Variants in LY75 observed in about 807,000 individuals in gnomAD.
LY75 encodes lymphocyte antigen 75.
A neutral mutation model predicts 231.7 loss-of-function variants in LY75; 185 were observed. The observed-to-expected ratio is 0.80, with a 90% confidence interval of 0.71 to 0.90. LY75 has a LOEUF of 0.90. LY75 is among the 40% of genes least tolerant of loss of function. LY75 has a pLI of 0.00. For synonymous variants in LY75, 668 were observed against 689.0 expected, an observed-to-expected ratio of 0.97 and a Z score of 0.48; for missense variants, 1,947 against 2,050.2, an observed-to-expected ratio of 0.95 and a Z score of 0.97.
chr2:159,883,110 C>T (rs1685483825), intron 6 of LY75, among the ~76,000 whole-genome samples: 1 of 125,830 alleles, frequency 7.9e-6, no homozygotes, highest in East Asian at 2.3e-4. Flanking sequence ...AACACAGCAT[C>T]TCTGGGGACT....
chr2:159,900,064 G>T (rs965566570), intron 1 of LY75, among the ~76,000 whole-genome samples: 1 of 152,158 alleles, frequency 6.6e-6, no homozygotes, highest in Non-Finnish European at 1.5e-5. Context: ...TGAGCCACCA[G>T]ATACAAGATC....
At chr2:159,815,251 T>A (rs1683088701) in intron 31 of LY75, among the ~76,000 whole-genome samples, 154 bp downstream of exon 31, 1 of 152,192 alleles carries the variant, frequency 6.6e-6, no homozygotes, top group African/African-American at 2.4e-5. Context: ...TCCGCACGCC[T>A]CGGCCTCCCA....
At chr2:159,850,791 T>TATATATATATATATATATAAATAA (rs1341394980) in intron 21 of LY75, among the ~76,000 whole-genome samples, 22 of 94,500 alleles carry the variant, frequency 2.3e-4, no homozygotes, top group African/African-American at 7.2e-4. Flanking sequence ...TATATATATA[T>TATATATATATATATATATAAATAA]ATATATATTA....
intron 16 of LY75, among the ~76,000 whole-genome samples, chr2:159,856,659 T>C (rs1684556830): frequency 6.6e-6 from 1 of 152,204 alleles, no homozygotes; most frequent in African/African-American, 2.4e-5. Context: ...TGGGACAGGC[T>C]GAGAACAGGA....
intron 14 of LY75, 135 bp downstream of exon 14, chr2:159,864,704 A>G (rs989281366): frequency 9.5e-6 from 8 of 843,868 alleles, no homozygotes; most frequent in East Asian, 3.2e-5. Flanking sequence ...CTTTTTGCTC[A>G]AGATTTCTTT....
chr2:159,853,624 AC>A lies in LY75; in HGVS notation c.2663+5del, dbSNP rs759493442. ...TTACAAAGGTAGAATCAATGATGTC[AC>A]CTACTATGTAAAATGATCATCTATT... On this transcript the variant is annotated splice_donor_5th_base_variant and intron_variant, in intron 19 of 34. Coordinates refer to ENST00000263636, the MANE Select transcript of LY75 (RefSeq NM_002349.4). The A allele has an allele frequency of 6.2e-7, 1 of 1,613,386 alleles. No individual in the cohort carries two copies. Among genetic ancestry groups the A allele is most frequent in the African/African-American group, 1.3e-5 (1 of 75,028 alleles).
intron 3 of LY75, among the ~76,000 whole-genome samples, chr2:159,892,565 A>G (rs1055042819): frequency 1.3e-5 from 2 of 152,164 alleles, no homozygotes; most frequent in African/African-American, 4.8e-5. Context: ...CCTGTTAAGT[A>G]TTAACTATTA....
chr2:159,820,058 T>G (rs999399728), intron 28 of LY75, 138 bp from the exon 29 acceptor site: 1 of 707,256 alleles, frequency 1.4e-6, no homozygotes, highest in Non-Finnish European at 2.0e-6. Context: ...GTATAACCCT[T>G]TAAGATATTT....
At chr2:159,872,184 CTATA>C (rs771688722) in intron 13 of LY75, 62 of 295,908 alleles carry the variant, frequency 2.1e-4, no homozygotes, top group Non-Finnish European at 3.5e-4. Flanking sequence ...CCTTCCTTGC[CTATA>C]TTCTAGATTT....
At chr2:159,897,542 C>T (rs900858382) in intron 2 of LY75, among the ~76,000 whole-genome samples, 34 of 152,314 alleles carry the variant, frequency 2.2e-4, no homozygotes, top group African/African-American at 7.7e-4. Flanking sequence ...ATAATTCTTG[C>T]ATCCTCACTA....
At chr2:159,841,594 G>T (rs62176662) in intron 24 of LY75, among the ~76,000 whole-genome samples, 100,189 of 151,926 alleles carry the variant, frequency 0.66, 33,695 homozygotes, top group Non-Finnish European at 0.73. Flanking sequence ...TATGGATGAT[G>T]CCTACTTTTA....
At chr2:159,818,595 A>C (rs1392091694) in intron 29 of LY75, among the ~76,000 whole-genome samples, 1 of 152,212 alleles carries the variant, frequency 6.6e-6, no homozygotes, top group East Asian at 1.9e-4. Flanking sequence ...AATAAAAACT[A>C]CAGAAATTTG....
At chr2:159,837,625 AC>A (rs1683874520) in intron 25 of LY75, among the ~76,000 whole-genome samples, 1 of 140,500 alleles carries the variant, frequency 7.1e-6, no homozygotes, top group African/African-American at 3.2e-5. Flanking sequence ...CTGCATGTGT[AC>A]CCCCTGAATC....
At chr2:159,830,236 G>A (rs541697625) in intron 28 of LY75, among the ~76,000 whole-genome samples, 1 of 152,240 alleles carries the variant, frequency 6.6e-6, no homozygotes, top group East Asian at 1.9e-4. Context: ...GAGAGCAAAG[G>A]AGAAGCCTAT....
At chr2:159,887,034 G>T (rs1156920009) in intron 4 of LY75, among the ~76,000 whole-genome samples, 3 of 151,302 alleles carry the variant, frequency 2.0e-5, no homozygotes, top group African/African-American at 7.3e-5. Flanking sequence ...AGACAGACAT[G>T]GATCCCCATA....
At position 159,878,442 on chromosome 2, in the gene LY75, T is replaced by A. The variant is rs1477463984; in HGVS notation, c.1656A>T (p.Leu552=). The change falls in exon 11 of 35, where the codon CTA becomes CTT. Residue 552 remains leucine, a synonymous_variant. Transcript: ENST00000263636. ...NDLMKKYDKS[L]RKYFWTGLRD... ...TCAGGCCAGTCCAGAAGTATTTTCT[T>A]AGAGATTTATCATACTTTTTCATCA... The A allele has an allele frequency of 6.2e-7, 1 of 1,614,132 alleles. No homozygotes were observed. Among genetic ancestry groups the A allele is most frequent in the East Asian group, 2.2e-5 (1 of 44,872 alleles).
At chr2:159,877,028 A>AAAAAAAAAAAAAG (rs1553810533) in intron 11 of LY75, among the ~76,000 whole-genome samples, 28 of 117,014 alleles carry the variant, frequency 2.4e-4, no homozygotes, top group Non-Finnish European at 4.5e-4. Context: ...AAAAAAAAAA[A>AAAAAAAAAAAAAG]AAAAAAGAAA....
At chr2:159,811,306 CAA>C (rs1553798215) in intron 31 of LY75, among the ~76,000 whole-genome samples, 1 of 151,934 alleles carries the variant, frequency 6.6e-6, no homozygotes, top group Non-Finnish European at 1.5e-5. Flanking sequence ...ATCACTCAAA[CAA>C]AAAAAGACTA....
chr2:159,879,330 T>A lies in LY75; in HGVS notation c.1444A>T (p.Lys482Ter), dbSNP rs1464480066. 1 of 1,613,696 alleles carries A rather than the reference T, an allele frequency of 6.2e-7. No homozygotes were observed. Residue 482 changes from lysine (K) to a stop codon, truncating the protein, a stop_gained, in exon 9 of 35, where the codon AAA (lysine) becomes TAA (stop). Transcript: ENST00000263636. LOFTEE classifies it high-confidence loss of function. Reference protein sequence around the residue: ...WKVQSCEEKLKYVCKRKGEKL... With the variant: ...WKVQSCEEKL The stretch of plus-strand genomic sequence containing the variant: ...TCTCCCTTTCTCTTGCATACATATT[T>A]TAGTTTCTCCTCACATGATTGGACT...
Sources: gnomAD v4.1 joint callset for allele counts (sites outside exome capture counted in the v4.1 genomes callset) on GRCh38, gnomAD v4.1.1 for gene constraint, MANE v1.5 for transcripts, NCBI Gene and HGNC (gene_info 2026-07-23, HGNC 2026-07-21) for gene names.